The following ZMAT4 variants were observed in gnomAD, a reference collection of about 807,000 sequenced individuals.
The protein encoded by ZMAT4 is zinc finger matrin-type 4.
Under a neutral mutation model 28.7 loss-of-function variants are expected in ZMAT4, and 17 were observed. That is an observed-to-expected ratio of 0.59 (90% confidence interval 0.41 to 0.89). ZMAT4 has a LOEUF of 0.89. Ranked by LOEUF, ZMAT4 falls within the 40% of genes least tolerant of loss-of-function variation. The pLI, the probability that ZMAT4 is intolerant of heterozygous loss-of-function variation, is 0.00. For missense variants in ZMAT4, 240 were observed against 283.8 expected, an observed-to-expected ratio of 0.85 and a Z score of 1.11; for synonymous variants, 117 against 109.2, an observed-to-expected ratio of 1.07 and a Z score of -0.44.
chr8:40,777,282 C>G (rs1003853234), intron 2 of ZMAT4, among the ~76,000 whole-genome samples: 4 of 152,104 alleles, frequency 2.6e-5, no homozygotes, highest in African/African-American at 9.7e-5. Flanking sequence ...GGGAAGGTTG[C>G]CGTGCAGCAC....
intron 1 of ZMAT4, among the ~76,000 whole-genome samples, chr8:40,840,259 T>C (rs975376960): frequency 5.3e-5 from 8 of 152,142 alleles, no homozygotes; most frequent in African/African-American, 1.4e-4. Flanking sequence ...GGCTACTAAC[T>C]GACAGCTGCA....
At chr8:40,793,615 G>A (rs1039974582) in intron 2 of ZMAT4, among the ~76,000 whole-genome samples, 3 of 152,202 alleles carry the variant, frequency 2.0e-5, no homozygotes, top group African/African-American at 4.8e-5. Flanking sequence ...AAGTCATGCC[G>A]AAAAGTCCAA....
intron 3 of ZMAT4, among the ~76,000 whole-genome samples, chr8:40,724,374 T>C (rs1226250745): frequency 6.6e-6 from 1 of 152,196 alleles, no homozygotes; most frequent in Non-Finnish European, 1.5e-5. Flanking sequence ...TTGGAGCTTA[T>C]TGGCTTTCGG....
chr8:40,743,326 G>T (rs1334316969), intron 3 of ZMAT4, among the ~76,000 whole-genome samples: 1 of 152,164 alleles, frequency 6.6e-6, no homozygotes, highest in Non-Finnish European at 1.5e-5. Flanking sequence ...GATGACAGCT[G>T]AACAGGGAGC....
intron 1 of ZMAT4, among the ~76,000 whole-genome samples, chr8:40,860,937 G>A (rs1456650985): frequency 6.6e-6 from 1 of 152,172 alleles, no homozygotes; most frequent in African/African-American, 2.4e-5. Flanking sequence ...CCCAGGAGAA[G>A]TGGTGGGAGA....
chr8:40,618,084 G>A (rs186042304), intron 5 of ZMAT4, among the ~76,000 whole-genome samples: 20 of 152,300 alleles, frequency 1.3e-4, no homozygotes, highest in Admixed American at 9.2e-4. Flanking sequence ...ATTGCTTTCT[G>A]TACATTAATC....
intron 1 of ZMAT4, among the ~76,000 whole-genome samples, chr8:40,845,428 G>T (rs1230367835): frequency 6.6e-6 from 1 of 152,120 alleles, no homozygotes; most frequent in Non-Finnish European, 1.5e-5. Context: ...TTAAAAACAC[G>T]CTGCCCTCAG....
intron 6 of ZMAT4, among the ~76,000 whole-genome samples, chr8:40,539,143 A>T (rs1472836946): frequency 6.6e-6 from 1 of 152,162 alleles, no homozygotes; most frequent in East Asian, 1.9e-4. Flanking sequence ...TCACATTGCA[A>T]TATTTTATGT....
intron 2 of ZMAT4, among the ~76,000 whole-genome samples, chr8:40,805,738 A>G (rs7459836): frequency 0.57 from 79,888 of 141,244 alleles, 22,474 homozygotes; most frequent in East Asian, 0.65. Context: ...GAATTGAACA[A>G]TGAGAACACA....
At chr8:40,533,149 A>G (rs1802747570) in intron 6 of ZMAT4, among the ~76,000 whole-genome samples, 1 of 152,178 alleles carries the variant, frequency 6.6e-6, no homozygotes, top group Admixed American at 6.5e-5. Flanking sequence ...CATTTACTTT[A>G]CATTTTAATT....
intron 3 of ZMAT4, among the ~76,000 whole-genome samples, chr8:40,700,474 G>A (rs1459237782): frequency 1.5e-5 from 2 of 137,828 alleles, no homozygotes; most frequent in Admixed American, 1.6e-4. Flanking sequence ...CTGGAGTGCA[G>A]TGGTGCTATC....
chr8:40,660,936 G>C (rs1335805449), intron 5 of ZMAT4, among the ~76,000 whole-genome samples: 1 of 152,126 alleles, frequency 6.6e-6, no homozygotes, highest in Admixed American at 6.6e-5. Context: ...CAATGATATG[G>C]ACTTTTAAAA....
chr8:40,631,642 A>G (rs989820577), intron 5 of ZMAT4, among the ~76,000 whole-genome samples: 2 of 152,208 alleles, frequency 1.3e-5, no homozygotes, highest in Non-Finnish European at 2.9e-5. Context: ...TAGAAGTTAA[A>G]TCACATTCTT....
At chr8:40,553,973 G>T (rs1015224830) in intron 6 of ZMAT4, among the ~76,000 whole-genome samples, 1 of 152,148 alleles carries the variant, frequency 6.6e-6, no homozygotes, top group East Asian at 1.9e-4. Flanking sequence ...AAGGGTGAAA[G>T]AAATTAACAA....
rs1230074276 is a variant in ZMAT4, at chr8:40,530,684, C to A, written c.*1539G>T. 3.9e-5 allele frequency: 6 copies of A among 152,598 alleles called. No homozygotes were observed. The highest frequency in any genetic ancestry group is 8.8e-5 in the Non-Finnish European group (6 of 68,028). 9.5% of individuals were successfully genotyped at this position (152,598 alleles called of 1,614,324 possible). ...TTTTACACATCCGAAGAAACACCAT[C>A]ACAGGAGGTTTGTAGGTCGGCTGTG... On this transcript the variant is annotated 3_prime_UTR_variant, in exon 7 of 7. Coordinates refer to ENST00000297737, the MANE Select transcript of ZMAT4 (RefSeq NM_024645.3).
At chr8:40,569,730 C>T (rs1804032120) in intron 6 of ZMAT4, among the ~76,000 whole-genome samples, 1 of 152,154 alleles carries the variant, frequency 6.6e-6, no homozygotes, top group African/African-American at 2.4e-5. Flanking sequence ...GCCCTATTGC[C>T]TTTAACGTAA....
intron 2 of ZMAT4, among the ~76,000 whole-genome samples, chr8:40,798,718 C>T (rs1325534588): frequency 6.6e-6 from 1 of 152,186 alleles, no homozygotes; most frequent in Non-Finnish European, 1.5e-5. Flanking sequence ...GATTAATTTC[C>T]CTCTGCCTTT....
At chr8:40,749,326 T>C (rs1812366085) in intron 3 of ZMAT4, among the ~76,000 whole-genome samples, 1 of 152,200 alleles carries the variant, frequency 6.6e-6, no homozygotes, top group Admixed American at 6.5e-5. Flanking sequence ...GCTTTAAGCT[T>C]AGATTATCAT....
chr8:40,740,926 T>G (rs1364231216), intron 3 of ZMAT4, among the ~76,000 whole-genome samples: 1 of 152,132 alleles, frequency 6.6e-6, no homozygotes, highest in Non-Finnish European at 1.5e-5. Context: ...TTGAAGAATC[T>G]ATTTCAGTGG....
Sources: gnomAD v4.1 joint callset for allele counts (sites outside exome capture counted in the v4.1 genomes callset) on GRCh38, gnomAD v4.1.1 for gene constraint, MANE v1.5 for transcripts, NCBI Gene and HGNC (gene_info 2026-07-23, HGNC 2026-07-21) for gene names.